The following ELMO2 variants were observed in gnomAD, a reference collection of about 807,000 sequenced individuals.
The protein encoded by ELMO2 is engulfment and cell motility 2.
In ELMO2, 37 loss-of-function variants were observed where a neutral mutation model predicts 96.2. The ratio of observed to expected loss-of-function variants is 0.38; its 90% CI spans 0.30 to 0.51. The LOEUF (loss-of-function observed/expected upper bound fraction) is 0.51. Among genes scored for constraint, ELMO2 ranks in the 20% least tolerant of loss-of-function variants. The pLI, the probability that ELMO2 is intolerant of heterozygous loss-of-function variation, is 0.88. For missense variants in ELMO2, 561 were observed against 912.6 expected, an observed-to-expected ratio of 0.61 and a Z score of 4.96; for synonymous variants, 315 against 329.4, an observed-to-expected ratio of 0.96 and a Z score of 0.47.
chr20:46,372,097 G>A (rs895029663), intron 16 of ELMO2, 128 bp from the exon 17 acceptor site: 33 of 1,080,562 alleles, frequency 3.1e-5, no homozygotes, highest in Non-Finnish European at 4.3e-5. Flanking sequence ...ACATCTGCTG[G>A]GTGAGTAAGG....
In ELMO2 at chr20:46,389,038, C is replaced by T. The variant is rs1205248735; in HGVS notation, c.425+1G>A. 1 of 1,613,152 alleles carries T rather than the reference C, an allele frequency of 6.2e-7. No individual in the cohort carries two copies. The highest frequency in any genetic ancestry group is 8.5e-7 in the Non-Finnish European group (1 of 1,179,360). On this transcript the variant is annotated splice_donor_variant, in intron 7 of 21. Coordinates refer to ENST00000290246, the MANE Select transcript of ELMO2 (RefSeq NM_133171.5). LOFTEE classifies it high-confidence loss of function. ...TGGAACGAGACCTTAGTCATACTCA[C>T]TGGGACAAGAGCTTGGTTCCACTTT...
At chr20:46,397,351 T>C (rs2060263629) in intron 2 of ELMO2, among the ~76,000 whole-genome samples, 1 of 152,206 alleles carries the variant, frequency 6.6e-6, no homozygotes. Context: ...AGCTGAACTA[T>C]TCCAGTTCTT....
chr20:46,396,641 C>G (rs1164481214), intron 2 of ELMO2, among the ~76,000 whole-genome samples: 1 of 152,118 alleles, frequency 6.6e-6, no homozygotes, highest in African/African-American at 2.4e-5. Context: ...CTTTTTAGAT[C>G]ATTTGTTTAG....
chr20:46,375,468 C>A lies in ELMO2; in HGVS notation c.931-98G>T, dbSNP rs1881055938. On this transcript the variant is annotated intron_variant, in intron 12 of 21. Transcript: ENST00000290246. This position sits in a 1 kb window ranked among gnomAD's most constrained non-coding sequence, Gnocchi z 4.6. Reference sequence around the variant, plus strand: ...GGCTTTTCTGGGCCAAACTTTGGCCCCAATCAATCCCTTAGGAGGCATCAC... The same window carrying A: ...GGCTTTTCTGGGCCAAACTTTGGCCACAATCAATCCCTTAGGAGGCATCAC... 2.0e-6 allele frequency: 3 copies of A among 1,532,718 alleles called. No homozygotes were observed. Among genetic ancestry groups the A allele is most frequent in the Non-Finnish European group, 2.6e-6 (3 of 1,132,946 alleles). The allele number at this position is 1,532,718 out of a possible 1,614,324, so 94.9% of individuals were successfully genotyped here.
At chr20:46,385,537 G>C (rs1293176555) in intron 9 of ELMO2, among the ~76,000 whole-genome samples, 7 of 152,344 alleles carry the variant, frequency 4.6e-5, no homozygotes, top group Non-Finnish European at 1.0e-4. Context: ...GAGGCCAGAA[G>C]AGACTAGGTT....
rs574632772 is a variant in ELMO2 at position 46,375,935 on chromosome 20, A to G, written c.808-145T>C. ...CGAGGACTTCATATTCTAGAAGGCG[A>G]TGGAGCATGAATGGGCTTGGTTCAG... is the stretch of plus-strand genomic sequence containing the variant. On this transcript the variant is annotated intron_variant, in intron 11 of 21. Coordinates refer to ENST00000290246, the MANE Select transcript of ELMO2 (RefSeq NM_133171.5). The surrounding 1 kb of genome is among the most constrained non-coding windows in gnomAD (Gnocchi z 4.6). 3 of 1,163,264 alleles carry G rather than the reference A, an allele frequency of 2.6e-6. No individual in the cohort carries two copies. The South Asian group carries it at 4.7e-5, about 18-fold the overall frequency. 72.1% of individuals were successfully genotyped at this position (1,163,264 alleles called of 1,614,324 possible).
Position 46,371,986 on chromosome 20 carries a change from C to T in ELMO2, c.1417-17G>A. ...TTGCATAACCTAAGAGGAGAAGAACCCAGCCAACTCACACCACTACTCTTG... is the reference window on the plus strand; with the variant it reads ...TTGCATAACCTAAGAGGAGAAGAACTCAGCCAACTCACACCACTACTCTTG... On this transcript the variant is annotated splice_polypyrimidine_tract_variant and intron_variant, in intron 16 of 21. Coordinates refer to ENST00000290246, the MANE Select transcript of ELMO2 (RefSeq NM_133171.5). The surrounding 1 kb of genome is among the most constrained non-coding windows in gnomAD (Gnocchi z 5.9). 1 of 1,613,006 alleles carries T rather than the reference C, an allele frequency of 6.2e-7. No homozygotes were observed.
chr20:46,387,343 T>C lies in ELMO2; in HGVS notation c.520A>G (p.Lys174Glu), dbSNP rs2060064641. Residue 174 changes from lysine to glutamate, a missense_variant, in exon 8 of 22, where the codon AAG becomes GAG. Transcript: ENST00000290246. ...SWDMVSITFI[K>E]QIAGYVSQPM... ...CAGAATGTTGGAGGCCTCACCTGCT[T>C]AATAAAGGTGATTGAAACCATGTCC... is the stretch of plus-strand genomic sequence containing the variant. 6.2e-7 allele frequency: 1 copy of C among 1,613,800 alleles called. No homozygotes were observed. Among genetic ancestry groups the C allele is most frequent in the East Asian group, 2.2e-5 (1 of 44,866 alleles).
rs1218231961 is a variant in ELMO2, at chr20:46,398,737, C to T, written c.-91G>A. 2 of 152,050 alleles carry T rather than the reference C, an allele frequency of 1.3e-5. No individual in the cohort carries two copies. The highest frequency in any genetic ancestry group is 4.8e-5 in the African/African-American group (2 of 41,374). The allele number at this position is 152,050 out of a possible 1,614,324, so 9.4% of individuals were successfully genotyped here. A position where few individuals can be genotyped will look rare whatever the true frequency, so the allele number is the denominator to read the frequency against. On this transcript the variant is annotated 5_prime_UTR_variant, in exon 2 of 22. Transcript: ENST00000290246. ...ACTGAAGTTCAGACGGATTGACAAA[C>T]TTGTTCTCCATGTACCTCTTTCTAC...
rs752239276 is a variant in ELMO2 at position 46,394,071 on chromosome 20, T to C, written c.97A>G (p.Ile33Val). 1.2e-6 allele frequency: 2 copies of C among 1,614,026 alleles called. No homozygotes were observed. The highest frequency in any genetic ancestry group is 8.5e-7 in the Non-Finnish European group (1 of 1,179,962). ...TACCCATCACAAACTTCCTTGATAA[T>C]GGATGCCAGGGGCCGTTTCTGAAAG... ...EIDQKRPLAS[I>V]IKEVCDGWSL... Residue 33 changes from isoleucine to valine, a missense_variant, in exon 4 of 22, where the codon ATT becomes GTT. Transcript: ENST00000290246.
Position 46,389,070 on chromosome 20 carries a change from G to A in ELMO2, c.394C>T (p.Leu132Phe), listed in dbSNP as rs1286830468. ...NMDGIIVLTRLVESGTKLLSH... is the reference protein window; with the variant it reads ...NMDGIIVLTRFVESGTKLLSH... ...AAGAGCTTGGTTCCACTTTCCACGA[G>A]CCTTGTCAGCACAATGATGCCATCC... The change falls in exon 7 of 22, where the codon CTC becomes TTC. Residue 132 changes from leucine (L) to phenylalanine (F), a missense_variant. By Grantham distance (22) the Leu-to-Phe change is conservative. Transcript: ENST00000290246. 3 of 1,613,990 alleles carry A rather than the reference G, an allele frequency of 1.9e-6. No homozygotes were observed. The African/African-American group carries it at 4.0e-5, about 22-fold the overall frequency.
chr20:46,380,562 C>T (rs1744935053), intron 10 of ELMO2, among the ~76,000 whole-genome samples: 1 of 152,130 alleles, frequency 6.6e-6, no homozygotes, highest in Non-Finnish European at 1.5e-5. Flanking sequence ...ACTCCACTGT[C>T]TTCAAAGAGA....
At chr20:46,373,223 A>G (rs2059766912) in intron 16 of ELMO2, 176 bp downstream of exon 16, 2 of 768,232 alleles carry the variant, frequency 2.6e-6, no homozygotes, top group African/African-American at 3.5e-5. Flanking sequence ...TCAAGGTCAC[A>G]GAGGGAGCAA....
intron 19 of ELMO2, among the ~76,000 whole-genome samples, 158 bp from the exon 20 acceptor site, chr20:46,370,683 AT>A (rs1457883024): frequency 6.6e-6 from 1 of 152,070 alleles, no homozygotes; most frequent in African/African-American, 2.4e-5. Context: ...GGTGGGGAGG[AT>A]GGCCTTGTAC....
At position 46,375,762 on chromosome 20, in the gene ELMO2, T is replaced by A. The variant is rs746012581; in HGVS notation, c.836A>T (p.Lys279Ile). 6.2e-7 allele frequency: 1 copy of A among 1,614,228 alleles called. No homozygotes were observed. The highest frequency in any genetic ancestry group is 8.5e-7 in the Non-Finnish European group (1 of 1,180,022). The change falls in exon 12 of 22, where the codon AAA (lysine) becomes ATA (isoleucine). Residue 279 changes from lysine (K) to isoleucine (I), a missense_variant. Lys to Ile is a moderately radical substitution (Grantham distance 102). Transcript: ENST00000290246. This position sits in a 1 kb window ranked among gnomAD's most constrained non-coding sequence, Gnocchi z 4.6. ...ATATAGCTGATGGGCCATCTCAGTT[T>A]TGATGGGGCGGTTCCCTCGGATCAC... is the stretch of plus-strand genomic sequence containing the variant. ...NHVIRGNRPI[K>I]TEMAHQLYVL... is the part of the protein sequence containing the mutation.
chr20:46,375,149 T>C lies in ELMO2; in HGVS notation c.1065+87A>G, dbSNP rs2257545. The C allele has an allele frequency of 0.9, 1,360,931 of 1,513,318 alleles. 619,227 individuals carry two copies. Among genetic ancestry groups the C allele is most frequent in the Non-Finnish European group, 0.93 (1,044,525 of 1,127,406 alleles). 93.7% of individuals were successfully genotyped at this position (1,513,318 alleles called of 1,614,324 possible). On this transcript the variant is annotated intron_variant, in intron 13 of 21. Transcript: ENST00000290246. The surrounding 1 kb of genome is among the most constrained non-coding windows in gnomAD (Gnocchi z 4.6). The stretch of plus-strand genomic sequence containing the variant: ...CATCTATTCCAGGGCCACCATGGGG[T>C]TGGTTGTCAGAGCTCTGTCTGGGTG...
At chr20:46,388,894 T>C in intron 7 of ELMO2, 145 bp downstream of exon 7, 3 of 725,820 alleles carry the variant, frequency 4.1e-6, no homozygotes, top group Admixed American at 5.6e-5. Flanking sequence ...TATCTTGGTA[T>C]GGACTCTAGT....
intron 11 of ELMO2, among the ~76,000 whole-genome samples, chr20:46,378,218 A>C (rs2059898581): frequency 1.3e-5 from 2 of 152,198 alleles, no homozygotes; most frequent in African/African-American, 4.8e-5. Context: ...CTGAAGTCTC[A>C]CTTGACTGTC....
At chr20:46,380,156 C>G in intron 11 of ELMO2, 97 bp downstream of exon 11, 1 of 1,053,648 alleles carries the variant, frequency 9.5e-7, no homozygotes. Context: ...TCTGTGTGTC[C>G]TCCTCACTCA....
Sources: allele counts gnomAD v4.1 joint callset (sites outside exome capture counted in the v4.1 genomes callset), GRCh38; gene constraint gnomAD v4.1.1; non-coding constraint Gnocchi (gnomAD v3.1); transcripts MANE v1.5; gene names NCBI Gene and HGNC (gene_info 2026-07-23, HGNC 2026-07-21).